Variants in L3MBTL4 observed in about 807,000 individuals in gnomAD.
L3MBTL4 encodes L3MBTL histone methyl-lysine binding protein 4, also known as lethal(3)malignant brain tumor-like protein 4.
Under a neutral mutation model 84.5 loss-of-function variants are expected in L3MBTL4, and 70 were observed. The ratio of observed to expected loss-of-function variants is 0.83; its 90% CI spans 0.68 to 1.01. The LOEUF (loss-of-function observed/expected upper bound fraction) is 1.01, where lower values mean the gene tolerates loss of function less well. Among genes scored for constraint, L3MBTL4 ranks in the 50% least tolerant of loss-of-function variants. The probability of loss-of-function intolerance (pLI) is 0.00; values close to 1 mark genes in which losing one functional copy is unlikely to be tolerated. For synonymous variants in L3MBTL4, 274 were observed against 259.8 expected, an observed-to-expected ratio of 1.05 and a Z score of -0.52; for missense variants, 715 against 754.8, an observed-to-expected ratio of 0.95 and a Z score of 0.62.
chr18:6,071,712 AGAAG>A (rs1319560939), intron 16 of L3MBTL4, among the ~76,000 whole-genome samples: 1,810 of 52,060 alleles, frequency 0.035, 32 homozygotes, highest in African/African-American at 0.074. Context: ...AAAGAAAGAA[AGAAG>A]GAAAGAAAGA....
At chr18:6,130,872 A>G (rs1456603084) in intron 14 of L3MBTL4, among the ~76,000 whole-genome samples, 1 of 152,194 alleles carries the variant, frequency 6.6e-6, no homozygotes, top group Non-Finnish European at 1.5e-5. Flanking sequence ...TTTCATACAG[A>G]TAAGAACTGA....
chr18:6,204,368 T>A (rs1475468638), intron 12 of L3MBTL4, among the ~76,000 whole-genome samples: 1 of 152,210 alleles, frequency 6.6e-6, no homozygotes, highest in Non-Finnish European at 1.5e-5. Flanking sequence ...CTGCTTGGGC[T>A]GGGGCCCCCA....
chr18:6,347,482 A>AATAT (rs368663873), intron 1 of L3MBTL4, among the ~76,000 whole-genome samples: 1 of 151,344 alleles, frequency 6.6e-6, no homozygotes, highest in Non-Finnish European at 1.5e-5. Flanking sequence ...ATCAAGATAT[A>AATAT]ATATATATAT....
At chr18:6,103,330 T>A (rs1217681243) in intron 14 of L3MBTL4, among the ~76,000 whole-genome samples, 1 of 152,240 alleles carries the variant, frequency 6.6e-6, no homozygotes, top group African/African-American at 2.4e-5. Context: ...TGTTTTCACC[T>A]TTTTAATTGT....
At chr18:6,122,094 T>A (rs1419411916) in intron 14 of L3MBTL4, among the ~76,000 whole-genome samples, 1 of 152,202 alleles carries the variant, frequency 6.6e-6, no homozygotes. Flanking sequence ...CTCGCTTTTT[T>A]AATTCATAAA....
intron 16 of L3MBTL4, among the ~76,000 whole-genome samples, chr18:6,016,150 G>A (rs534781647): frequency 1.3e-5 from 2 of 152,082 alleles, no homozygotes; most frequent in Non-Finnish European, 2.9e-5. Flanking sequence ...TGTGGAAGTG[G>A]GGTTGGCATG....
chr18:5,994,488 A>G (rs1416676288), intron 16 of L3MBTL4, among the ~76,000 whole-genome samples: 1 of 152,244 alleles, frequency 6.6e-6, no homozygotes, highest in African/African-American at 2.4e-5. Context: ...ACTCAAAATT[A>G]TCAGCCCCAT....
intron 14 of L3MBTL4, among the ~76,000 whole-genome samples, chr18:6,094,385 CT>C (rs1274934590): frequency 6.6e-6 from 1 of 152,180 alleles, no homozygotes; most frequent in Non-Finnish European, 1.5e-5. Context: ...TTCAGAGATT[CT>C]CCCCAGTGAA....
intron 3 of L3MBTL4, among the ~76,000 whole-genome samples, chr18:6,306,794 C>T (rs905663484): frequency 6.6e-6 from 1 of 152,194 alleles, no homozygotes; most frequent in Non-Finnish European, 1.5e-5. Context: ...AAAGTTCTTG[C>T]AATCTAAGAC....
chr18:6,000,064 T>C (rs896331644), intron 16 of L3MBTL4, among the ~76,000 whole-genome samples: 11 of 151,910 alleles, frequency 7.2e-5, no homozygotes, highest in Non-Finnish European at 8.8e-5. Flanking sequence ...TTCAGGAAAA[T>C]TGAACTCATT....
At chr18:6,136,938 C>G (rs961023013) in intron 14 of L3MBTL4, among the ~76,000 whole-genome samples, 4 of 152,236 alleles carry the variant, frequency 2.6e-5, no homozygotes, top group African/African-American at 9.6e-5. Flanking sequence ...AAGGCAAGGC[C>G]TAAATGGCTC....
chr18:6,309,447 T>C (rs2050731898), intron 3 of L3MBTL4, among the ~76,000 whole-genome samples: 1 of 152,242 alleles, frequency 6.6e-6, no homozygotes, highest in Non-Finnish European at 1.5e-5. Context: ...ACTAAGAATA[T>C]GGCCCTTTAA....
At chr18:6,064,262 C>T (rs977986700) in intron 16 of L3MBTL4, among the ~76,000 whole-genome samples, 1 of 152,000 alleles carries the variant, frequency 6.6e-6, no homozygotes, top group Admixed American at 6.6e-5. Context: ...TAATTACAGC[C>T]TTGTAGTATA....
intron 16 of L3MBTL4, among the ~76,000 whole-genome samples, chr18:6,047,818 G>A (rs980835649): frequency 1.3e-5 from 2 of 152,090 alleles, no homozygotes; most frequent in Middle Eastern, 6.3e-3. Flanking sequence ...GCTGGAAGCT[G>A]GAAGCATTCC....
chr18:5,984,430 C>T (rs879720385), intron 16 of L3MBTL4, among the ~76,000 whole-genome samples: 1 of 152,200 alleles, frequency 6.6e-6, no homozygotes, highest in Non-Finnish European at 1.5e-5. Context: ...TCTTTAATGG[C>T]TTCCTCTTTT....
At chr18:5,995,996 T>G (rs2053946494) in intron 16 of L3MBTL4, among the ~76,000 whole-genome samples, 1 of 152,242 alleles carries the variant, frequency 6.6e-6, no homozygotes, top group Admixed American at 6.5e-5. Context: ...GAGGCGTGTG[T>G]GGCTGCAGTA....
chr18:6,277,442 A>C (rs1189812900), intron 4 of L3MBTL4, among the ~76,000 whole-genome samples: 1 of 152,196 alleles, frequency 6.6e-6, no homozygotes, highest in South Asian at 2.1e-4. Flanking sequence ...CGTATATTAC[A>C]TGCTCACATA....
chr18:6,043,476 C>A lies in L3MBTL4; in HGVS notation c.1444+37405G>T, dbSNP rs140203148. ...CCAGGCCTCATCACCTGCTGCTCAT[C>A]CCTTATATATTAGATCAGATATCAC... On this transcript the variant is annotated intron_variant, in intron 16 of 18. Transcript: ENST00000317931. Among the ~76,000 whole-genome samples, 1,084 of 152,286 alleles carry A rather than the reference C, an allele frequency of 7.1e-3. 14 individuals carry two copies. The highest frequency in any genetic ancestry group is 0.025 in the African/African-American group (1,045 of 41,548).
intron 1 of L3MBTL4, among the ~76,000 whole-genome samples, chr18:6,361,530 T>C (rs1445091492): frequency 3.9e-5 from 6 of 152,058 alleles, no homozygotes; most frequent in Non-Finnish European, 7.4e-5. Flanking sequence ...CTAAGGTAGA[T>C]CAGATTAATC....
Sources: gnomAD v4.1 joint callset for allele counts (sites outside exome capture counted in the v4.1 genomes callset) on GRCh38, gnomAD v4.1.1 for gene constraint, MANE v1.5 for transcripts, NCBI Gene and HGNC (gene_info 2026-07-23, HGNC 2026-07-21) for gene names.